Variants in RGS17 observed in about 807,000 individuals in gnomAD.
RGS17 encodes regulator of G protein signaling 17.
In RGS17, 12 loss-of-function variants were observed where a neutral mutation model predicts 25.5. That is an observed-to-expected ratio of 0.47 (90% CI 0.30 to 0.76). The LOEUF is 0.76. Ranked by LOEUF, RGS17 falls within the 30% of genes least tolerant of loss-of-function variation. RGS17 has a pLI of 0.07. For missense variants in RGS17, 196 were observed against 242.2 expected, an observed-to-expected ratio of 0.81 and a Z score of 1.27; for synonymous variants, 71 against 76.9, an observed-to-expected ratio of 0.92 and a Z score of 0.40.
At chr6:153,107,347 G>A (rs762448610) in intron 1 of RGS17, among the ~76,000 whole-genome samples, 2 of 152,100 alleles carry the variant, frequency 1.3e-5, no homozygotes, top group African/African-American at 2.4e-5. Flanking sequence ...AAGAAAAGTA[G>A]TTTGGTATTC....
intron 1 of RGS17, among the ~76,000 whole-genome samples, chr6:153,117,535 G>T (rs192318264): frequency 6.6e-6 from 1 of 152,136 alleles, no homozygotes; most frequent in Non-Finnish European, 1.5e-5. Context: ...CTTAGGCTCC[G>T]CCCCTTATAA....
intron 4 of RGS17, among the ~76,000 whole-genome samples, chr6:153,020,443 G>A (rs1259674645): frequency 1.3e-5 from 2 of 151,618 alleles, no homozygotes; most frequent in African/African-American, 4.8e-5. Context: ...GTGAGCCACC[G>A]CGCCCGGTGA....
chr6:153,120,003 G>T (rs1327708772), intron 1 of RGS17, among the ~76,000 whole-genome samples: 2 of 152,144 alleles, frequency 1.3e-5, no homozygotes, highest in East Asian at 3.8e-4. Flanking sequence ...CTCCAACCAT[G>T]TCTCACACAA....
Position 153,020,108 on chromosome 6 carries a change from A to AT in RGS17, c.444+4153_444+4154insA, listed in dbSNP as rs1779225928. 8.3e-4 allele frequency among the ~76,000 whole-genome samples: 23 copies of AT among 27,604 alleles called. 1 individual carries two copies. The highest frequency in any genetic ancestry group is 4.9e-3 in the South Asian group (4 of 820). The allele number at this position is 27,604 out of a possible 152,430, so 18.1% of individuals were successfully genotyped here. A position where few individuals can be genotyped will look rare whatever the true frequency, so the allele number is the denominator to read the frequency against. ...CCTAATTGCAAATATCTTAAAAAAAAAAAATATATATATATATATATATAT... is the reference window on the plus strand; with the variant it reads ...CCTAATTGCAAATATCTTAAAAAAAATAAAATATATATATATATATATATAT... On this transcript the variant is annotated intron_variant, in intron 4 of 4. Coordinates refer to ENST00000206262, the MANE Select transcript of RGS17 (RefSeq NM_012419.5).
At chr6:153,020,111 A>AAAATATATATATATATAT (rs1426592195) in intron 4 of RGS17, among the ~76,000 whole-genome samples, 2 of 58,460 alleles carry the variant, frequency 3.4e-5, no homozygotes, top group African/African-American at 6.4e-5. Flanking sequence ...AAAAAAAAAA[A>AAAATATATATATATATAT]ATATATATAT....
At chr6:153,114,472 A>G (rs1018665651) in intron 1 of RGS17, among the ~76,000 whole-genome samples, 2 of 152,194 alleles carry the variant, frequency 1.3e-5, no homozygotes, top group African/African-American at 4.8e-5. Context: ...CCAGGACCAG[A>G]TGGATTCACA....
intron 4 of RGS17, among the ~76,000 whole-genome samples, chr6:153,019,586 T>G (rs625945): frequency 0.76 from 115,984 of 152,016 alleles, 45,231 homozygotes; most frequent in African/African-American, 0.94. Flanking sequence ...CTGTCCTTGA[T>G]ATAGTGAGTG....
chr6:153,068,741 C>G (rs1776743576), intron 1 of RGS17, among the ~76,000 whole-genome samples: 1 of 152,096 alleles, frequency 6.6e-6, no homozygotes. Flanking sequence ...ATAAAAAGAT[C>G]AAACAAATTC....
At chr6:153,075,075 G>A (rs1466589872) in intron 1 of RGS17, among the ~76,000 whole-genome samples, 1 of 152,152 alleles carries the variant, frequency 6.6e-6, no homozygotes, top group Admixed American at 6.5e-5. Flanking sequence ...AAACAATATA[G>A]ATAAATGAGT....
chr6:153,123,257 G>A (rs1170838051), intron 1 of RGS17, among the ~76,000 whole-genome samples: 2 of 151,938 alleles, frequency 1.3e-5, no homozygotes, highest in African/African-American at 4.8e-5. Context: ...AGTGCTGAGT[G>A]GCAATAAATT....
Position 153,011,730 on chromosome 6 carries a change from G to A in RGS17, c.477C>T (p.Ile159=), listed in dbSNP as rs202247606. The A allele has an allele frequency of 1.9e-6, 3 of 1,611,688 alleles. No homozygotes were observed. The African/African-American group carries it at 4.0e-5, about 22-fold the overall frequency. The part of the protein sequence containing the change: ...VSLDSRVREV[I]NRNLLDPNPH... Reference sequence around the variant, plus strand: ...GATTGGGATCCAACAGATTTCTATTGATCACCTCTCTAACTCGAGAATCAA... The same window carrying A: ...GATTGGGATCCAACAGATTTCTATTAATCACCTCTCTAACTCGAGAATCAA... Residue 159 remains isoleucine, a synonymous_variant, in exon 5 of 5, where the codon ATC becomes ATT. Transcript: ENST00000206262.
Position 153,053,913 on chromosome 6 carries a change from T to TTA in RGS17, c.-25-9872_-25-9871dup, listed in dbSNP as rs202172532. ...TTTTTCACATACATACATACACACATTATATATATATGTATATATATGTAT... is the reference window on the plus strand; with the variant it reads ...TTTTTCACATACATACATACACACATTATATATATATATGTATATATATGTAT... On this transcript the variant is annotated intron_variant, in intron 1 of 4. Coordinates refer to ENST00000206262, the MANE Select transcript of RGS17 (RefSeq NM_012419.5). Among the ~76,000 whole-genome samples, 12 of 97,886 alleles carry TTA rather than the reference T, an allele frequency of 1.2e-4. 2 individuals are homozygous for TTA. In the South Asian group the frequency reaches 1.5e-3, roughly 12 times the overall value. 64.2% of individuals were successfully genotyped at this position (97,886 alleles called of 152,430 possible).
At chr6:153,059,648 G>A (rs771856276) in intron 1 of RGS17, among the ~76,000 whole-genome samples, 5 of 152,160 alleles carry the variant, frequency 3.3e-5, no homozygotes, top group Non-Finnish European at 7.4e-5. Context: ...ACTAACAACT[G>A]TAACAAGGAG....
intron 1 of RGS17, among the ~76,000 whole-genome samples, chr6:153,052,095 G>T (rs9384070): frequency 6.6e-6 from 1 of 151,942 alleles, no homozygotes; most frequent in East Asian, 1.9e-4. Context: ...AGGAAGAATT[G>T]CCTGATTTTC....
chr6:153,024,350 T>A lies in RGS17; in HGVS notation c.356A>T (p.Asp119Val), dbSNP rs1779277067. The change falls in exon 4 of 5, where the codon GAC becomes GTC. Residue 119 changes from aspartate (D) to valine (V), a missense_variant. Coordinates refer to ENST00000206262, the MANE Select transcript of RGS17 (RefSeq NM_012419.5). ...ENLLFWLACE[D>V]LKKEQNKKVI... ...TTTTTTGTTCTGCTCCTTCTTTAAGTCTTCACAAGCAAGCCAGAAAAGTAG... is the reference window on the plus strand; with the variant it reads ...TTTTTTGTTCTGCTCCTTCTTTAAGACTTCACAAGCAAGCCAGAAAAGTAG... 1 of 1,614,044 alleles carries A rather than the reference T, an allele frequency of 6.2e-7. No individual in the cohort carries two copies. Among genetic ancestry groups the A allele is most frequent in the Non-Finnish European group, 8.5e-7 (1 of 1,179,996 alleles).
intron 1 of RGS17, among the ~76,000 whole-genome samples, chr6:153,115,547 C>T (rs913899745): frequency 6.6e-6 from 1 of 152,182 alleles, no homozygotes; most frequent in African/African-American, 2.4e-5. Context: ...CTGCCATTGA[C>T]TTTCTTCACA....
intron 1 of RGS17, among the ~76,000 whole-genome samples, chr6:153,112,970 C>T (rs1268647881): frequency 6.6e-6 from 1 of 152,124 alleles, no homozygotes; most frequent in Admixed American, 6.5e-5. Flanking sequence ...GCAAAACATA[C>T]CAAATTGTAA....
intron 1 of RGS17, among the ~76,000 whole-genome samples, chr6:153,066,526 G>C (rs1776710029): frequency 6.6e-6 from 1 of 151,952 alleles, no homozygotes; most frequent in African/African-American, 2.4e-5. Context: ...ACCAAAACCA[G>C]ACAAAGACAC....
Position 153,053,945 on chromosome 6 carries a change from T to TATAC in RGS17, c.-25-9903_-25-9902insGTAT, listed in dbSNP as rs1776499312. Reference sequence around the variant, plus strand: ...TATATGTATATATATGTATATATAATATATATACATATATATTATATACAT... The same window carrying TATAC: ...TATATGTATATATATGTATATATAATATACATATATACATATATATTATATACAT... On this transcript the variant is annotated intron_variant, in intron 1 of 4. Transcript: ENST00000206262. 7.4e-5 allele frequency among the ~76,000 whole-genome samples: 4 copies of TATAC among 54,416 alleles called. 2 individuals carry two copies. The highest frequency in any genetic ancestry group is 6.6e-4 in the African/African-American group (4 of 6,048). 35.7% of individuals were successfully genotyped at this position (54,416 alleles called of 152,430 possible). A position where few individuals can be genotyped will look rare whatever the true frequency, so the allele number is the denominator to read the frequency against.
Sources: allele counts gnomAD v4.1 joint callset (sites outside exome capture counted in the v4.1 genomes callset), GRCh38; gene constraint gnomAD v4.1.1; transcripts MANE v1.5; gene names NCBI Gene and HGNC (gene_info 2026-07-23, HGNC 2026-07-21).